TNPO1: variants seen among roughly 807,000 people sequenced by gnomAD.
TNPO1 encodes transportin-1.
In TNPO1, 8 loss-of-function variants were observed where a neutral mutation model predicts 119.5. The observed-to-expected ratio is 0.07, with a 90% CI of 0.04 to 0.12. The LOEUF (loss-of-function observed/expected upper bound fraction) is 0.12, where lower values mean the gene tolerates loss of function less well. Among genes scored for constraint, TNPO1 ranks in the 10% least tolerant of loss-of-function variants. TNPO1 has a pLI of 1.00. For synonymous variants in TNPO1, 362 were observed against 363.0 expected (o/e 1.00, Z 0.03); for missense variants, 576 against 1,089.8 (o/e 0.53, Z 6.64).
At chr5:72,873,030 T>C (rs3797358) in intron 7 of TNPO1, among the ~76,000 whole-genome samples, 73,666 of 151,678 alleles carry the variant, frequency 0.49, 19,067 homozygotes, top group Admixed American at 0.62. Flanking sequence ...TCAAATTGCA[T>C]ATGGAAACCA....
chr5:72,901,932 C>A (rs1472618921), intron 22 of TNPO1, among the ~76,000 whole-genome samples: 1 of 151,974 alleles, frequency 6.6e-6, no homozygotes, highest in Non-Finnish European at 1.5e-5. Context: ...AAAAATTAGC[C>A]AGGCTTGGTG....
At chr5:72,842,021 C>T (rs533106198) in intron 1 of TNPO1, among the ~76,000 whole-genome samples, 1 of 152,294 alleles carries the variant, frequency 6.6e-6, no homozygotes, top group South Asian at 2.1e-4. Flanking sequence ...TACCTACTTA[C>T]AACAGAGGGG....
At chr5:72,865,132 T>C (rs977290431) in intron 5 of TNPO1, among the ~76,000 whole-genome samples, 1 of 152,312 alleles carries the variant, frequency 6.6e-6, no homozygotes. Context: ...CTCGATGATA[T>C]AATAATTTGT....
intron 1 of TNPO1, among the ~76,000 whole-genome samples, chr5:72,821,583 G>T (rs775809793): frequency 1.3e-5 from 2 of 152,114 alleles, no homozygotes; most frequent in African/African-American, 4.8e-5. Flanking sequence ...TGATGAGAGA[G>T]CTAGCAAACC....
chr5:72,891,195 A>G lies in TNPO1; in HGVS notation c.1702-615A>G, dbSNP rs547496255. Among the ~76,000 whole-genome samples, 326 of 151,826 alleles carry G rather than the reference A, an allele frequency of 2.1e-3. 1 individual carries two copies. The Middle Eastern group carries it at 0.024, about 11-fold the overall frequency. Reference sequence around the variant, plus strand: ...AAGAGAAAAACTTAGGTCTGGGCACAGTGGCTCACACCTGTAATCCCAGCA... The same window carrying G: ...AAGAGAAAAACTTAGGTCTGGGCACGGTGGCTCACACCTGTAATCCCAGCA... On this transcript the variant is annotated intron_variant, in intron 14 of 24. Coordinates refer to ENST00000337273, the MANE Select transcript of TNPO1 (RefSeq NM_002270.4).
chr5:72,842,137 T>C (rs1744942808), intron 1 of TNPO1, among the ~76,000 whole-genome samples: 1 of 152,244 alleles, frequency 6.6e-6, no homozygotes, highest in Non-Finnish European at 1.5e-5. Flanking sequence ...ACTGGTTTTT[T>C]AGATCTATTA....
chr5:72,871,368 AT>A (rs1747387135), intron 6 of TNPO1, among the ~76,000 whole-genome samples: 1 of 152,196 alleles, frequency 6.6e-6, no homozygotes, highest in African/African-American at 2.4e-5. Flanking sequence ...TCCCCATAGT[AT>A]GCTTTTTTCA....
chr5:72,843,463 A>G (rs1744998581), intron 1 of TNPO1, among the ~76,000 whole-genome samples: 1 of 151,906 alleles, frequency 6.6e-6, no homozygotes, highest in Admixed American at 6.6e-5. Context: ...GCGTGCTAGC[A>G]CACACCTGTA....
At chr5:72,854,994 AT>A (rs1293038685) in intron 3 of TNPO1, among the ~76,000 whole-genome samples, 2 of 150,254 alleles carry the variant, frequency 1.3e-5, no homozygotes, top group South Asian at 2.1e-4. Context: ...ATTTCAAAAA[AT>A]TTTTTTTTTG....
At chr5:72,829,698 G>A (rs1334981083) in intron 1 of TNPO1, among the ~76,000 whole-genome samples, 2 of 152,176 alleles carry the variant, frequency 1.3e-5, no homozygotes, top group Non-Finnish European at 2.9e-5. Context: ...TTATAGGTGA[G>A]GAACTAAACC....
chr5:72,862,435 A>C (rs2112315807), intron 5 of TNPO1: 1 of 153,924 alleles, frequency 6.5e-6, no homozygotes, highest in Non-Finnish European at 1.4e-5. Context: ...CAATCCTCCT[A>C]CGTCAGCCTC....
intron 19 of TNPO1, among the ~76,000 whole-genome samples, chr5:72,896,835 C>G (rs1749465830): frequency 6.6e-6 from 1 of 152,154 alleles, no homozygotes; most frequent in Non-Finnish European, 1.5e-5. Context: ...CACCACTGCA[C>G]TCCAGCCTGG....
At chr5:72,837,698 A>G (rs764075383) in intron 1 of TNPO1, among the ~76,000 whole-genome samples, 13 of 152,208 alleles carry the variant, frequency 8.5e-5, no homozygotes, top group Admixed American at 1.3e-4. Flanking sequence ...CTGGGTCTCA[A>G]TGACAATTTT....
At chr5:72,822,655 T>C (rs1744017956) in intron 1 of TNPO1, among the ~76,000 whole-genome samples, 1 of 150,170 alleles carries the variant, frequency 6.7e-6, no homozygotes, top group Non-Finnish European at 1.5e-5. Flanking sequence ...TGCAGTGGCA[T>C]GATTTCGGCT....
chr5:72,824,182 T>C (rs1321334320), intron 1 of TNPO1, among the ~76,000 whole-genome samples: 2 of 152,244 alleles, frequency 1.3e-5, no homozygotes, highest in East Asian at 3.8e-4. Context: ...TCAAGGACTT[T>C]GCTTCAGGTT....
intron 3 of TNPO1, among the ~76,000 whole-genome samples, chr5:72,854,844 T>A (rs1284927061): frequency 1.3e-5 from 2 of 151,634 alleles, no homozygotes; most frequent in African/African-American, 2.4e-5. Flanking sequence ...TTTGGAGGTA[T>A]TTTTTTGCTT....
chr5:72,870,038 C>T lies in TNPO1; in HGVS notation c.597-2601C>T, dbSNP rs533057813. Among the ~76,000 whole-genome samples, 8 of 151,954 alleles carry T rather than the reference C, an allele frequency of 5.3e-5. No homozygotes were observed. In the South Asian group the frequency reaches 1.7e-3, roughly 31 times the overall value. On this transcript the variant is annotated intron_variant, in intron 6 of 24. Coordinates refer to ENST00000337273, the MANE Select transcript of TNPO1 (RefSeq NM_002270.4). The stretch of plus-strand genomic sequence containing the variant: ...GTAGGACAGTAGGAATGCCTTTTCT[C>T]TTCCTTATAAATTCTACAGTTGTCA...
At position 72,908,862 on chromosome 5, in the gene TNPO1, G is replaced by C; in HGVS notation, c.*189G>C. 2 of 453,462 alleles carry C rather than the reference G, an allele frequency of 4.4e-6. No homozygotes were observed. Among genetic ancestry groups the C allele is most frequent in the South Asian group, 3.1e-5 (2 of 64,076 alleles). 28.1% of individuals were successfully genotyped at this position (453,462 alleles called of 1,614,324 possible). A position where few individuals can be genotyped will look rare whatever the true frequency, so the allele number is the denominator to read the frequency against. ...GGTGTTGCCGTCACTGTATTAAGTC[G>C]ATGTTGGGAAACGTTTTAACATCTG... On this transcript the variant is annotated 3_prime_UTR_variant, in exon 25 of 25. Coordinates refer to ENST00000337273, the MANE Select transcript of TNPO1 (RefSeq NM_002270.4).
intron 1 of TNPO1, among the ~76,000 whole-genome samples, chr5:72,835,693 C>G (rs995208462): frequency 6.6e-6 from 1 of 152,216 alleles, no homozygotes; most frequent in African/African-American, 2.4e-5. Flanking sequence ...CAAATCATAG[C>G]ATTCTGCCCC....
Sources: allele counts gnomAD v4.1 joint callset (sites outside exome capture counted in the v4.1 genomes callset), GRCh38; gene constraint gnomAD v4.1.1; transcripts MANE v1.5; gene names NCBI Gene and HGNC (gene_info 2026-07-23, HGNC 2026-07-21).